Variants in ZNF578 observed in about 807,000 individuals in gnomAD.
ZNF578 encodes the protein zinc finger protein 578, also known as Putative chemokine-related protein B42.
A neutral mutation model predicts 8.3 loss-of-function variants in ZNF578; 8 were observed. The ratio of observed to expected loss-of-function variants is 0.96; its 90% CI spans 0.56 to 1.74. ZNF578 has a LOEUF of 1.74. Ranked by LOEUF, ZNF578 falls within the 40% of genes most tolerant of loss-of-function variation. The pLI is 0.00. For synonymous variants in ZNF578, 206 were observed against 232.2 expected, an observed-to-expected ratio of 0.89 and a Z score of 1.03; for missense variants, 726 against 707.5, an observed-to-expected ratio of 1.03 and a Z score of -0.30.
chr19:52,488,009 C>G (rs369463686), intron 2 of ZNF578, among the ~76,000 whole-genome samples: 2 of 146,240 alleles, frequency 1.4e-5, no homozygotes, highest in Admixed American at 1.4e-4. Context: ...GGCTGGAGTG[C>G]GATGGCATGA....
chr19:52,473,731 A>C, intron 2 of ZNF578: 1 of 268,682 alleles, frequency 3.7e-6, no homozygotes, highest in Non-Finnish European at 7.1e-6. Context: ...CCTTACATGT[A>C]TAAGGTTTCC....
At chr19:52,506,844 G>A (rs946389191) in intron 5 of ZNF578, among the ~76,000 whole-genome samples, 9 of 152,160 alleles carry the variant, frequency 5.9e-5, no homozygotes, top group East Asian at 1.9e-4. Flanking sequence ...TATATTATAA[G>A]TTTTACAGGA....
Position 52,510,956 on chromosome 19 carries a change from C to A in ZNF578, c.575C>A (p.Thr192Lys), listed in dbSNP as rs778511245. 1 of 1,614,218 alleles carries A rather than the reference C, an allele frequency of 6.2e-7. No homozygotes were observed. Among genetic ancestry groups the A allele is most frequent in the Non-Finnish European group, 8.5e-7 (1 of 1,180,042 alleles). The change falls in exon 6 of 6, where the codon ACA becomes AAA. Residue 192 changes from threonine to lysine, a missense_variant. By Grantham distance (78) the Thr-to-Lys change is moderately conservative (BLOSUM62 -1). Transcript: ENST00000421239. ...KSVNDASSIS[T>K]SQRISCRPET... ...GTCAACGATGCTTCCTCAATTTCAA[C>A]ATCCCAAAGAATTTCTTGTAGGCCT... is the stretch of plus-strand genomic sequence containing the variant.
chr19:52,506,622 T>G (rs2059426599), intron 5 of ZNF578, among the ~76,000 whole-genome samples: 1 of 152,160 alleles, frequency 6.6e-6, no homozygotes, highest in South Asian at 2.1e-4. Context: ...TTCACCACCA[T>G]GCCCGGCTAA....
intron 2 of ZNF578, among the ~76,000 whole-genome samples, chr19:52,460,466 G>A (rs1244886490): frequency 6.6e-6 from 1 of 152,084 alleles, no homozygotes; most frequent in Non-Finnish European, 1.5e-5. Flanking sequence ...AATAACATCT[G>A]TTCAGTTCCT....
intron 2 of ZNF578, among the ~76,000 whole-genome samples, chr19:52,486,974 CAA>C (rs890657319): frequency 3.5e-4 from 53 of 151,654 alleles, no homozygotes; most frequent in Non-Finnish European, 4.3e-4. Context: ...GAAAAGAAAA[CAA>C]GAGCTAGAGA....
chr19:52,512,066 G>C lies in ZNF578; in HGVS notation c.1685G>C (p.Ser562Thr), dbSNP rs757344256. 1.2e-6 allele frequency: 2 copies of C among 1,612,638 alleles called. No homozygotes were observed. Among genetic ancestry groups the C allele is most frequent in the Non-Finnish European group, 1.7e-6 (2 of 1,179,650 alleles). ...CTGGCAAACCATACTAGAATTCATA[G>C]CGGAGAGAAACCTTACAAGTGTAAT... ...SYLANHTRIH[S>T]GEKPYKCNEC... Residue 562 changes from serine (S) to threonine (T), a missense_variant, in exon 6 of 6, where the codon AGC (serine) becomes ACC (threonine). By Grantham distance (58) the Ser-to-Thr change is moderately conservative. Coordinates refer to ENST00000421239, the MANE Select transcript of ZNF578 (RefSeq NM_001099694.2).
chr19:52,484,249 C>T (rs1277523914), intron 2 of ZNF578, among the ~76,000 whole-genome samples: 1 of 152,190 alleles, frequency 6.6e-6, no homozygotes, highest in Non-Finnish European at 1.5e-5. Context: ...GGCGGTTTTC[C>T]CCTATCTCAG....
intron 2 of ZNF578, among the ~76,000 whole-genome samples, chr19:52,475,649 G>A (rs1048644041): frequency 3.9e-5 from 6 of 152,248 alleles, no homozygotes; most frequent in Middle Eastern, 3.4e-3. Flanking sequence ...GAGCCACCGC[G>A]CCTGGCTGAG....
At chr19:52,486,923 G>A (rs1213444699) in intron 2 of ZNF578, among the ~76,000 whole-genome samples, 1 of 151,834 alleles carries the variant, frequency 6.6e-6, no homozygotes, top group Non-Finnish European at 1.5e-5. Context: ...CGGCAGAAGA[G>A]GAGAGGGGCA....
At position 52,514,071 on chromosome 19, in the gene ZNF578, G is replaced by A. The variant is rs370716761; in HGVS notation, c.*1917G>A. Among the ~76,000 whole-genome samples, 11 of 151,110 alleles carry A rather than the reference G, an allele frequency of 7.3e-5. No individual in the cohort carries two copies. Among genetic ancestry groups the A allele is most frequent in the African/African-American group, 2.7e-4 (11 of 40,544 alleles). On this transcript the variant is annotated 3_prime_UTR_variant, in exon 6 of 6. Transcript: ENST00000421239. ...AGACATCAAAAATGCTTTTGTTCTC[G>A]TTGTGTCATAGACTTCCCTTTTTTT...
intron 3 of ZNF578, 100 bp from the exon 4 acceptor site, chr19:52,501,727 C>G (rs2122937843): frequency 1.6e-5 from 20 of 1,225,326 alleles, no homozygotes; most frequent in Admixed American, 7.6e-5. Flanking sequence ...GTGGGGGGGG[C>G]TTCTTTGTAC....
At chr19:52,484,955 G>A (rs2059339776) in intron 2 of ZNF578, among the ~76,000 whole-genome samples, 3 of 138,260 alleles carry the variant, frequency 2.2e-5, no homozygotes, top group Admixed American at 7.5e-5. Context: ...AATTTCATGC[G>A]CATCCATGTG....
Position 52,516,163 on chromosome 19 carries a change from C to A in ZNF578, c.*4009C>A, listed in dbSNP as rs1293205010. On this transcript the variant is annotated 3_prime_UTR_variant, in exon 6 of 6. Coordinates refer to ENST00000421239, the MANE Select transcript of ZNF578 (RefSeq NM_001099694.2). The stretch of plus-strand genomic sequence containing the variant: ...CCTATGTACCCTGTCCCTTTCTCCT[C>A]CTTCAGGTCTAGGCTCAGAGCTCTC... 6.6e-6 allele frequency among the ~76,000 whole-genome samples: 1 copy of A among 152,222 alleles called. No individual in the cohort carries two copies. The highest frequency in any genetic ancestry group is 1.5e-5 in the Non-Finnish European group (1 of 68,040).
At chr19:52,490,438 T>C (rs2059361482) in intron 2 of ZNF578, among the ~76,000 whole-genome samples, 1 of 152,216 alleles carries the variant, frequency 6.6e-6, no homozygotes, top group Non-Finnish European at 1.5e-5. Flanking sequence ...TTCTGCAGGC[T>C]GTATAAATGT....
intron 5 of ZNF578, among the ~76,000 whole-genome samples, chr19:52,509,411 T>C (rs537597429): frequency 2.6e-5 from 4 of 152,304 alleles, no homozygotes; most frequent in African/African-American, 9.6e-5. Flanking sequence ...TGGGTTACAA[T>C]ATTTTATTAA....
chr19:52,458,482 A>ATATATATATATATT (rs1386192380), intron 2 of ZNF578: 16 of 145,486 alleles, frequency 1.1e-4, no homozygotes, highest in Admixed American at 6.8e-5. Context: ...ATATATATAT[A>ATATATATATATATT]TTTTGAAAAT....
intron 2 of ZNF578, among the ~76,000 whole-genome samples, chr19:52,486,738 G>A (rs1233139785): frequency 1.3e-5 from 2 of 150,958 alleles, no homozygotes; most frequent in Admixed American, 6.6e-5. Context: ...TCAGGGAAGA[G>A]AGAATTTAAC....
intron 3 of ZNF578, among the ~76,000 whole-genome samples, chr19:52,501,007 T>G (rs887471285): frequency 5.3e-5 from 8 of 151,922 alleles, no homozygotes; most frequent in Admixed American, 1.3e-4. Flanking sequence ...GCCTCCTGAA[T>G]AGCTGGGATT....
Sources: gnomAD v4.1 joint callset for allele counts (sites outside exome capture counted in the v4.1 genomes callset) on GRCh38, gnomAD v4.1.1 for gene constraint, MANE v1.5 for transcripts, NCBI Gene and HGNC (gene_info 2026-07-23, HGNC 2026-07-21) for gene names.